ZNF280D: variants seen among roughly 807,000 people sequenced by gnomAD.
The protein encoded by ZNF280D is suppressor of hairy wing homolog 4.
A neutral mutation model predicts 94.7 loss-of-function variants in ZNF280D; 39 were observed. The ratio of observed to expected loss-of-function variants is 0.41; its 90% CI spans 0.32 to 0.54. ZNF280D has a LOEUF of 0.54. Ranked by LOEUF, ZNF280D falls within the 20% of genes least tolerant of loss-of-function variation. The pLI, the probability that ZNF280D is intolerant of heterozygous loss-of-function variation, is 0.22. For synonymous variants in ZNF280D, 398 were observed against 377.6 expected, an observed-to-expected ratio of 1.05 and a Z score of -0.63; for missense variants, 1,090 against 1,149.3, an observed-to-expected ratio of 0.95 and a Z score of 0.75.
At chr15:56,657,410 T>C (rs183706982) in intron 17 of ZNF280D, among the ~76,000 whole-genome samples, 43 of 152,292 alleles carry the variant, frequency 2.8e-4, no homozygotes, top group South Asian at 1.0e-3. Context: ...CTTTAAGAGA[T>C]AGCTTAGCTA....
intron 1 of ZNF280D, among the ~76,000 whole-genome samples, chr15:56,725,580 G>A (rs2058590198): frequency 1.3e-5 from 2 of 151,998 alleles, no homozygotes; most frequent in South Asian, 4.1e-4. Context: ...TTCTGTTGAA[G>A]AAAATACAGC....
In ZNF280D at chr15:56,707,070, A is replaced by G; in HGVS notation, c.28+12T>C. On this transcript the variant is annotated intron_variant, in intron 3 of 21. Coordinates refer to ENST00000267807, the MANE Select transcript of ZNF280D (RefSeq NM_017661.4). ...CACATATATTAGTATTAGTTGTGGC[A>G]GCAACACTTACTTTTTGGTTGAAAA... The G allele has an allele frequency of 1.2e-6, 2 of 1,613,728 alleles. No individual in the cohort carries two copies. Among genetic ancestry groups the G allele is most frequent in the Non-Finnish European group, 8.5e-7 (1 of 1,179,710 alleles).
rs1215666344 is a variant in ZNF280D, at chr15:56,666,980, T to C, written c.1552A>G (p.Ile518Val). ...EGLPPGTKVT[I>V]RASVGPLQSG... ...TGCAGAGGTCCAACTGAAGCTCGAATAGTAACCTACAAAAATAAAGAGAAG... is the reference window on the plus strand; with the variant it reads ...TGCAGAGGTCCAACTGAAGCTCGAACAGTAACCTACAAAAATAAAGAGAAG... Residue 518 changes from isoleucine (I) to valine (V), a missense_variant, in exon 15 of 22, where the codon ATT becomes GTT. Coordinates refer to ENST00000267807, the MANE Select transcript of ZNF280D (RefSeq NM_017661.4). 1.3e-6 allele frequency: 2 copies of C among 1,578,708 alleles called. No individual in the cohort carries two copies. Among genetic ancestry groups the C allele is most frequent in the South Asian group, 1.2e-5 (1 of 86,160 alleles).
intron 14 of ZNF280D, among the ~76,000 whole-genome samples, chr15:56,668,418 G>C (rs1749452420): frequency 6.6e-6 from 1 of 152,024 alleles, no homozygotes; most frequent in Non-Finnish European, 1.5e-5. Context: ...AAACATCTGA[G>C]AACTTATGGA....
At chr15:56,733,184 A>T (rs1204067288) in intron 1 of ZNF280D, among the ~76,000 whole-genome samples, 5 of 152,218 alleles carry the variant, frequency 3.3e-5, no homozygotes, top group African/African-American at 1.2e-4. Flanking sequence ...GCGGAGGAGC[A>T]GAAGGCGAAG....
chr15:56,684,414 T>A (rs948371121), intron 9 of ZNF280D, among the ~76,000 whole-genome samples: 2 of 152,006 alleles, frequency 1.3e-5, no homozygotes, highest in Admixed American at 1.3e-4. Context: ...AGCCACAAAT[T>A]TTAAAAACAT....
At chr15:56,658,815 T>C (rs1847347480) in intron 16 of ZNF280D, among the ~76,000 whole-genome samples, 1 of 152,096 alleles carries the variant, frequency 6.6e-6, no homozygotes, top group African/African-American at 2.4e-5. Flanking sequence ...TTGAAAACAA[T>C]TCTAAATTTT....
chr15:56,655,013 G>A (rs772056321), intron 17 of ZNF280D, among the ~76,000 whole-genome samples: 2 of 152,130 alleles, frequency 1.3e-5, no homozygotes, highest in African/African-American at 2.4e-5. Context: ...GATAAAATCA[G>A]AAGAAAAATG....
intron 1 of ZNF280D, 79 bp from the exon 2 acceptor site, chr15:56,707,385 AGAGGTCAATTATGTTTGATATATCT>A: frequency 1.6e-6 from 2 of 1,272,378 alleles, no homozygotes; most frequent in Non-Finnish European, 2.1e-6. Context: ...TCTCCTATAC[AGAGGTCAATTATGTTTGATATATCT>A]GATATACACA....
chr15:56,712,576 A>G (rs1435272507), intron 1 of ZNF280D, among the ~76,000 whole-genome samples: 1 of 109,054 alleles, frequency 9.2e-6, no homozygotes, highest in Non-Finnish European at 1.7e-5. Context: ...CCTGGGTGAC[A>G]GTGTGAGACC....
At chr15:56,701,138 CA>C (rs1262279555) in intron 5 of ZNF280D, 34 bp downstream of exon 5, 2 of 1,604,608 alleles carry the variant, frequency 1.2e-6, no homozygotes, top group African/African-American at 2.7e-5. Context: ...CAAAATACTT[CA>C]CTTTAAAATT....
intron 13 of ZNF280D, among the ~76,000 whole-genome samples, chr15:56,675,975 T>C (rs1378958191): frequency 1.3e-5 from 2 of 151,516 alleles, no homozygotes; most frequent in Non-Finnish European, 2.9e-5. Flanking sequence ...TAAAAGATGG[T>C]TTAATTGCTT....
intron 4 of ZNF280D, among the ~76,000 whole-genome samples, chr15:56,703,360 C>T (rs1406330418): frequency 2.0e-5 from 3 of 152,130 alleles, no homozygotes; most frequent in African/African-American, 7.2e-5. Context: ...GTACACAGGC[C>T]AGAGTCTGTG....
chr15:56,690,250 C>T lies in ZNF280D; in HGVS notation c.500-780G>A, dbSNP rs146369973. On this transcript the variant is annotated intron_variant, in intron 7 of 21. Coordinates refer to ENST00000267807, the MANE Select transcript of ZNF280D (RefSeq NM_017661.4). The stretch of plus-strand genomic sequence containing the variant: ...ACAAAAAATTAGCCTGGCGTGGTGA[C>T]GGGCACCTGTAGTCCCAGCTACTCG... Among the ~76,000 whole-genome samples the T allele has an allele frequency of 2.5e-3, 373 of 152,048 alleles. 1 individual carries two copies. The highest frequency in any genetic ancestry group is 7.1e-3 in the African/African-American group (295 of 41,470).
At chr15:56,693,311 A>C (rs2056533547) in intron 6 of ZNF280D, 96 bp from the exon 7 acceptor site, 1 of 325,792 alleles carries the variant, frequency 3.1e-6, no homozygotes, top group South Asian at 1.2e-4. Flanking sequence ...TAATTATATA[A>C]GAATTTTATT....
At chr15:56,716,016 G>A (rs1444969914) in intron 1 of ZNF280D, among the ~76,000 whole-genome samples, 1 of 152,094 alleles carries the variant, frequency 6.6e-6, no homozygotes, top group African/African-American at 2.4e-5. Context: ...GTATATGAGA[G>A]CATGTGTATA....
chr15:56,701,094 T>C (rs748961376), intron 5 of ZNF280D, 22 bp from the exon 6 acceptor site: 1 of 1,612,990 alleles, frequency 6.2e-7, no homozygotes, highest in South Asian at 1.1e-5. Context: ...AGTAACACAA[T>C]ATATGGAAAT....
At chr15:56,710,318 C>T (rs558033303) in intron 1 of ZNF280D, among the ~76,000 whole-genome samples, 3 of 152,164 alleles carry the variant, frequency 2.0e-5, no homozygotes, top group African/African-American at 7.2e-5. Context: ...GCAGGAGAAT[C>T]GCTTGAACCC....
intron 20 of ZNF280D, among the ~76,000 whole-genome samples, chr15:56,638,651 G>T (rs1405518350): frequency 6.6e-6 from 1 of 151,854 alleles, no homozygotes; most frequent in Non-Finnish European, 1.5e-5. Context: ...CTAAATTTCT[G>T]TTGCTTTGGA....
Sources: gnomAD v4.1 joint callset for allele counts (sites outside exome capture counted in the v4.1 genomes callset) on GRCh38, gnomAD v4.1.1 for gene constraint, MANE v1.5 for transcripts, NCBI Gene and HGNC (gene_info 2026-07-23, HGNC 2026-07-21) for gene names.